CSMD1: variants seen among roughly 807,000 people sequenced by gnomAD.
CSMD1 encodes CUB and sushi domain-containing protein 1.
A neutral mutation model predicts 417.5 loss-of-function variants in CSMD1; 213 were observed. That is an observed-to-expected ratio of 0.51 (90% CI 0.46 to 0.57). CSMD1 has a LOEUF of 0.57. CSMD1 is among the 20% of genes least tolerant of loss of function. The pLI is 0.00. For synonymous variants in CSMD1, 2,862 were observed against 1,736.8 expected (o/e 1.65, Z -16.11); for missense variants, 6,923 against 4,529.7 (o/e 1.53, Z -15.17).
At chr8:3,586,471 G>A (rs1222774723) in intron 8 of CSMD1, among the ~76,000 whole-genome samples, 1 of 152,124 alleles carries the variant, frequency 6.6e-6, no homozygotes, top group Admixed American at 6.6e-5. Flanking sequence ...GATTCCTGTT[G>A]TGCCAGCTTC....
chr8:4,611,566 G>A (rs1801170862), intron 2 of CSMD1, among the ~76,000 whole-genome samples: 1 of 152,118 alleles, frequency 6.6e-6, no homozygotes, highest in South Asian at 2.1e-4. Context: ...CTTCCCAGAA[G>A]TGTTTACACT....
intron 3 of CSMD1, among the ~76,000 whole-genome samples, chr8:4,388,822 A>T (rs1375486740): frequency 6.6e-6 from 1 of 152,226 alleles, no homozygotes; most frequent in South Asian, 2.1e-4. Context: ...AGCACTGAAT[A>T]ATCCTGCCTT....
intron 3 of CSMD1, among the ~76,000 whole-genome samples, chr8:4,071,824 T>TGG (rs757292624): frequency 6.6e-6 from 1 of 151,758 alleles, no homozygotes; most frequent in Non-Finnish European, 1.5e-5. Context: ...AACTTCCTGT[T>TGG]GTGGGGGGGT....
chr8:4,157,152 G>C (rs1217444899), intron 3 of CSMD1, among the ~76,000 whole-genome samples: 1 of 152,140 alleles, frequency 6.6e-6, no homozygotes, highest in Admixed American at 6.5e-5. Context: ...TTAAGTGGTA[G>C]AAGAAACATC....
intron 5 of CSMD1, among the ~76,000 whole-genome samples, chr8:3,923,458 G>A (rs945327659): frequency 1.3e-5 from 2 of 151,984 alleles, no homozygotes; most frequent in African/African-American, 4.8e-5. Flanking sequence ...TATTATATCT[G>A]CATTGCCATT....
At chr8:3,788,938 A>C (rs577239926) in intron 5 of CSMD1, among the ~76,000 whole-genome samples, 1 of 152,320 alleles carries the variant, frequency 6.6e-6, no homozygotes, top group Admixed American at 6.5e-5. Context: ...CGTATTTCCT[A>C]GACAGTATTG....
chr8:3,706,416 T>C (rs997978317), intron 7 of CSMD1, among the ~76,000 whole-genome samples: 1 of 152,208 alleles, frequency 6.6e-6, no homozygotes, highest in Non-Finnish European at 1.5e-5. Context: ...CACATTACCA[T>C]TGATTACCTT....
chr8:2,969,976 T>G (rs2128931208), intron 57 of CSMD1, among the ~76,000 whole-genome samples: 1 of 152,336 alleles, frequency 6.6e-6, no homozygotes, highest in South Asian at 2.1e-4. Flanking sequence ...TTGAGAAATA[T>G]TTTCAGCATT....
intron 5 of CSMD1, among the ~76,000 whole-genome samples, chr8:3,893,106 A>G (rs1171656725): frequency 6.6e-6 from 1 of 151,964 alleles, no homozygotes; most frequent in African/African-American, 2.4e-5. Context: ...TATCTCTGCA[A>G]AAAACATGAC....
intron 2 of CSMD1, among the ~76,000 whole-genome samples, chr8:4,458,138 A>C (rs1291847212): frequency 1.3e-5 from 2 of 152,046 alleles, no homozygotes; most frequent in Non-Finnish European, 2.9e-5. Context: ...AAATTACTTT[A>C]TGGTTTTGCT....
intron 1 of CSMD1, among the ~76,000 whole-genome samples, chr8:4,992,869 C>T (rs749215802): frequency 6.6e-6 from 1 of 152,178 alleles, no homozygotes; most frequent in Non-Finnish European, 1.5e-5. Context: ...CCACTGTTTG[C>T]GATCCCCGAG....
chr8:3,981,601 G>A (rs1423673782), intron 5 of CSMD1, among the ~76,000 whole-genome samples: 1 of 144,672 alleles, frequency 6.9e-6, no homozygotes, highest in Non-Finnish European at 1.5e-5. Flanking sequence ...CCTTTAAATT[G>A]TATCAATTAG....
At chr8:4,821,302 T>C (rs568816433) in intron 1 of CSMD1, among the ~76,000 whole-genome samples, 321 of 152,306 alleles carry the variant, frequency 2.1e-3, no homozygotes, top group African/African-American at 7.5e-3. Flanking sequence ...TGTGCCAGTA[T>C]AATCCAATCC....
intron 5 of CSMD1, among the ~76,000 whole-genome samples, chr8:3,863,159 A>G (rs1804834751): frequency 6.6e-6 from 1 of 152,092 alleles, no homozygotes; most frequent in South Asian, 2.1e-4. Flanking sequence ...GCATTTTGGG[A>G]GGCCAAGTCA....
intron 2 of CSMD1, among the ~76,000 whole-genome samples, chr8:4,514,421 T>C (rs1312624930): frequency 3.3e-5 from 5 of 152,168 alleles, no homozygotes; most frequent in Non-Finnish European, 7.4e-5. Context: ...AGAAGGCAGA[T>C]CTGAATGCCA....
At chr8:4,068,646 A>C (rs1799384154) in intron 3 of CSMD1, among the ~76,000 whole-genome samples, 1 of 152,182 alleles carries the variant, frequency 6.6e-6, no homozygotes, top group African/African-American at 2.4e-5. Flanking sequence ...TGGAACTGTG[A>C]GTTTAAGATA....
chr8:4,451,165 C>CA (rs36075869), intron 2 of CSMD1, among the ~76,000 whole-genome samples: 24,668 of 151,872 alleles, frequency 0.16, 2,172 homozygotes, highest in South Asian at 0.27. Context: ...CTGTCTCTAT[C>CA]AAAATAATAT....
intron 12 of CSMD1, among the ~76,000 whole-genome samples, chr8:3,425,274 G>A (rs1002044405): frequency 6.6e-6 from 1 of 152,294 alleles, no homozygotes; most frequent in Middle Eastern, 3.4e-3. Context: ...CTTGGGACAA[G>A]GGAAACTCCT....
At chr8:3,269,697 T>A (rs1449575290) in intron 26 of CSMD1, among the ~76,000 whole-genome samples, 2 of 152,278 alleles carry the variant, frequency 1.3e-5, no homozygotes, top group East Asian at 3.9e-4. Context: ...AAGGTCAGCT[T>A]TGTGTGCTGA....
Sources: allele counts gnomAD v4.1 joint callset (sites outside exome capture counted in the v4.1 genomes callset), GRCh38; gene constraint gnomAD v4.1.1; transcripts MANE v1.5; gene names NCBI Gene and HGNC (gene_info 2026-07-23, HGNC 2026-07-21).